HPSE2: variants seen among roughly 807,000 people sequenced by gnomAD.
The protein encoded by HPSE2 is inactive heparanase-2.
Under a neutral mutation model 60.5 loss-of-function variants are expected in HPSE2, and 38 were observed. That is an observed-to-expected ratio of 0.63 (90% CI 0.48 to 0.82). The LOEUF is 0.82. Ranked by LOEUF, HPSE2 falls within the 40% of genes least tolerant of loss-of-function variation. HPSE2 has a pLI of 0.00. For synonymous variants in HPSE2, 295 were observed against 293.2 expected (o/e 1.01, Z -0.06); for missense variants, 713 against 740.4 (o/e 0.96, Z 0.43).
intron 9 of HPSE2, among the ~76,000 whole-genome samples, chr10:98,605,271 C>T (rs1395641452): frequency 6.6e-6 from 1 of 152,108 alleles, no homozygotes; most frequent in Non-Finnish European, 1.5e-5. Flanking sequence ...AATGAGTGAA[C>T]AAGACAGAAT....
chr10:99,014,880 A>G (rs996658927), intron 3 of HPSE2, among the ~76,000 whole-genome samples: 3 of 152,244 alleles, frequency 2.0e-5, no homozygotes, highest in African/African-American at 7.2e-5. Context: ...CAGAGCGAAC[A>G]GCCAACCTAC....
intron 3 of HPSE2, among the ~76,000 whole-genome samples, chr10:98,878,234 T>G (rs1472680463): frequency 6.6e-6 from 1 of 152,022 alleles, no homozygotes; most frequent in African/African-American, 2.4e-5. Context: ...TTATAGCCAA[T>G]GTACAGAATG....
chr10:98,821,148 T>C (rs1252229151), intron 3 of HPSE2, among the ~76,000 whole-genome samples: 1 of 152,186 alleles, frequency 6.6e-6, no homozygotes, highest in African/African-American at 2.4e-5. Context: ...TATAGGAGAA[T>C]ATTGTGCTAG....
At chr10:98,708,681 T>C (rs1948606052) in intron 5 of HPSE2, among the ~76,000 whole-genome samples, 1 of 152,148 alleles carries the variant, frequency 6.6e-6, no homozygotes, top group Non-Finnish European at 1.5e-5. Flanking sequence ...GAAGCATTTC[T>C]ACACTTAGTT....
chr10:99,145,642 G>T (rs1390052659), intron 2 of HPSE2, among the ~76,000 whole-genome samples: 1 of 152,172 alleles, frequency 6.6e-6, no homozygotes, highest in South Asian at 2.1e-4. Context: ...TAACAAAACT[G>T]AAGAATTTTA....
At chr10:99,194,649 C>T (rs1848332002) in intron 2 of HPSE2, among the ~76,000 whole-genome samples, 2 of 151,278 alleles carry the variant, frequency 1.3e-5, no homozygotes, top group South Asian at 2.1e-4. Context: ...ACTGGAAAAC[C>T]TAAAAGAAAC....
intron 3 of HPSE2, among the ~76,000 whole-genome samples, chr10:98,925,178 A>G (rs1308966097): frequency 6.6e-6 from 1 of 152,128 alleles, no homozygotes; most frequent in East Asian, 1.9e-4. Context: ...AGTACTGTGA[A>G]TATGACGTTA....
intron 3 of HPSE2, among the ~76,000 whole-genome samples, chr10:98,752,696 A>G (rs1454980896): frequency 6.6e-6 from 1 of 152,238 alleles, no homozygotes; most frequent in South Asian, 2.1e-4. Flanking sequence ...GAGCTGTAAG[A>G]GCATCAAGAA....
intron 9 of HPSE2, among the ~76,000 whole-genome samples, chr10:98,544,854 T>C (rs1427362037): frequency 6.6e-6 from 1 of 150,942 alleles, no homozygotes. Flanking sequence ...AAAAAATCAA[T>C]GAATCCAGGA....
At chr10:99,284,874 G>A in the HPSE2 span, among the ~76,000 whole-genome samples, 1 of 151,928 alleles carries the variant, frequency 6.6e-6, no homozygotes, top group African/African-American at 2.4e-5. Flanking sequence ...ATATACCATG[G>A]AAAATTAAAA....
intron 9 of HPSE2, among the ~76,000 whole-genome samples, chr10:98,497,572 T>C (rs1363287602): frequency 2.0e-5 from 3 of 152,184 alleles, no homozygotes; most frequent in Non-Finnish European, 4.4e-5. Context: ...TATTATTTTG[T>C]TCAAACTTTT....
At chr10:98,619,193 C>T (rs752745284) in intron 8 of HPSE2, among the ~76,000 whole-genome samples, 7 of 152,158 alleles carry the variant, frequency 4.6e-5, no homozygotes, top group Non-Finnish European at 7.4e-5. Flanking sequence ...AGTAGCAAAA[C>T]ACATAGCTGA....
chr10:99,020,215 C>T lies in HPSE2; in HGVS notation c.610+124023G>A, dbSNP rs538001793. ...GGTTACAATACCAAATAGAACCAGA[C>T]GTAGTCTCTGATCTGGAGATATTTA... is the stretch of plus-strand genomic sequence containing the variant. On this transcript the variant is annotated intron_variant, in intron 3 of 11. Transcript: ENST00000370552. 1.1e-3 allele frequency among the ~76,000 whole-genome samples: 165 copies of T among 152,068 alleles called. 1 individual carries two copies. Among genetic ancestry groups the T allele is most frequent in the African/African-American group, 3.5e-3 (145 of 41,498 alleles).
chr10:98,960,871 C>G (rs1416591894), intron 3 of HPSE2, among the ~76,000 whole-genome samples: 1 of 143,198 alleles, frequency 7.0e-6, no homozygotes, highest in Non-Finnish European at 1.5e-5. Context: ...GTATATATCT[C>G]CCAATGCTAT....
chr10:98,723,639 A>G (rs1293146279), intron 4 of HPSE2, among the ~76,000 whole-genome samples: 1 of 152,178 alleles, frequency 6.6e-6, no homozygotes, highest in African/African-American at 2.4e-5. Flanking sequence ...CCTCAATTTC[A>G]GAGCCTGTTA....
At chr10:98,726,668 A>AATAAT (rs1949092095) in intron 4 of HPSE2, among the ~76,000 whole-genome samples, 3 of 129,432 alleles carry the variant, frequency 2.3e-5, no homozygotes, top group African/African-American at 5.5e-5. Context: ...ATAATAATAA[A>AATAAT]AGAAATATAA....
Position 98,900,884 on chromosome 10 carries a change from A to G in HPSE2, c.611-156828T>C, listed in dbSNP as rs1044080185. 5.9e-5 allele frequency among the ~76,000 whole-genome samples: 9 copies of G among 152,228 alleles called. No individual in the cohort carries two copies. The South Asian group carries it at 1.2e-3, about 21-fold the overall frequency. Reference sequence around the variant, plus strand: ...TGAAGAGAAACAAACACATATGTACATATAAAAATGTATACATAAATACTC... The same window carrying G: ...TGAAGAGAAACAAACACATATGTACGTATAAAAATGTATACATAAATACTC... On this transcript the variant is annotated intron_variant, in intron 3 of 11. Transcript: ENST00000370552.
chr10:99,195,716 C>T (rs933669544), intron 2 of HPSE2, among the ~76,000 whole-genome samples: 2 of 151,736 alleles, frequency 1.3e-5, no homozygotes, highest in African/African-American at 4.8e-5. Flanking sequence ...AAGAGGACAC[C>T]ATAAAAATGG....
intron 9 of HPSE2, among the ~76,000 whole-genome samples, chr10:98,598,425 T>G (rs547306101): frequency 1.3e-5 from 2 of 152,220 alleles, no homozygotes; most frequent in South Asian, 4.1e-4. Flanking sequence ...GCCTGGAGCC[T>G]GTATCTGTGG....
Sources: allele counts gnomAD v4.1 joint callset (sites outside exome capture counted in the v4.1 genomes callset), GRCh38; gene constraint gnomAD v4.1.1; transcripts MANE v1.5; gene names NCBI Gene and HGNC (gene_info 2026-07-23, HGNC 2026-07-21).